DNAH14: variants seen among roughly 807,000 people sequenced by gnomAD.
DNAH14 encodes dynein axonemal heavy chain 14.
Under a neutral mutation model 520.9 loss-of-function variants are expected in DNAH14, and 478 were observed. That is an observed-to-expected ratio of 0.92 (90% confidence interval 0.85 to 0.99). The LOEUF is 0.99. DNAH14 is among the 50% of genes least tolerant of loss of function. The probability of loss-of-function intolerance (pLI) is 0.00; values close to 1 mark genes in which losing one functional copy is unlikely to be tolerated. For synonymous variants in DNAH14, 1,581 were observed against 1,757.2 expected (o/e 0.90, Z 2.51); for missense variants, 4,831 against 5,234.5 (o/e 0.92, Z 2.38).
chr1:225,012,053 C>A (rs998361956), intron 10 of DNAH14, among the ~76,000 whole-genome samples: 1 of 151,938 alleles, frequency 6.6e-6, no homozygotes, highest in Non-Finnish European at 1.5e-5. Context: ...TATCAATGGT[C>A]TTTACAATTT....
Position 225,085,645 on chromosome 1 carries a change from T to TAC in DNAH14, c.3430_3431dup (p.Pro1145LeufsTer5). The TAC allele has an allele frequency of 2.6e-6, 4 of 1,551,300 alleles. No homozygotes were observed. The South Asian group carries it at 4.8e-5, about 18-fold the overall frequency. ...TTAAGATTATTGATTTTTGGAACAC[T>TAC]ACTCCTTTGCCTTTAATTCTTCACC... is the stretch of plus-strand genomic sequence containing the variant. On this transcript the variant is annotated frameshift_variant, in exon 21 of 86. Coordinates refer to ENST00000682510, the MANE Select transcript of DNAH14 (RefSeq NM_001367479.1). LOFTEE classifies it high-confidence loss of function.
At chr1:225,048,460 C>T (rs1479614801) in intron 15 of DNAH14, among the ~76,000 whole-genome samples, 1 of 152,156 alleles carries the variant, frequency 6.6e-6, no homozygotes, top group Non-Finnish European at 1.5e-5. Context: ...AAAATTGTAC[C>T]ACTGTACTCC....
intron 79 of DNAH14, among the ~76,000 whole-genome samples, chr1:225,378,876 T>TC (rs565739815): frequency 0.032 from 370 of 11,424 alleles, 5 homozygotes; most frequent in South Asian, 0.21. Context: ...CAAAACTCCG[T>TC]CCCAAAAAAA....
At chr1:225,291,921 G>A (rs778904944) in intron 55 of DNAH14, among the ~76,000 whole-genome samples, 5 of 151,730 alleles carry the variant, frequency 3.3e-5, no homozygotes, top group Admixed American at 2.0e-4. Flanking sequence ...ATCAGGTTTT[G>A]TTTTGTTTTT....
intron 3 of DNAH14, 58 bp from the exon 4 acceptor site, chr1:224,960,095 C>T: frequency 6.9e-7 from 1 of 1,449,892 alleles, no homozygotes; most frequent in Non-Finnish European, 9.2e-7. Context: ...TGTGGAATTA[C>T]TATGGTATTA....
intron 36 of DNAH14, among the ~76,000 whole-genome samples, chr1:225,180,463 C>A (rs1032711079): frequency 3.3e-5 from 5 of 152,164 alleles, no homozygotes; most frequent in Non-Finnish European, 7.4e-5. Flanking sequence ...GGGCCTCTGG[C>A]TGCTTCCACA....
chr1:224,958,245 A>C (rs1168246144), intron 3 of DNAH14, among the ~76,000 whole-genome samples: 1 of 152,148 alleles, frequency 6.6e-6, no homozygotes, highest in Non-Finnish European at 1.5e-5. Flanking sequence ...TGAAATAGTC[A>C]TTGAAAAGGA....
intron 8 of DNAH14, among the ~76,000 whole-genome samples, chr1:224,992,235 T>A (rs1465460547): frequency 6.6e-6 from 1 of 152,172 alleles, no homozygotes; most frequent in Non-Finnish European, 1.5e-5. Flanking sequence ...TTTTGTGGTT[T>A]CATACGAATT....
intron 68 of DNAH14, among the ~76,000 whole-genome samples, chr1:225,339,141 CAAAAAA>C (rs5781399): frequency 8.3e-4 from 109 of 131,444 alleles, no homozygotes; most frequent in East Asian, 6.4e-3. Flanking sequence ...CAATGAAATA[CAAAAAA>C]AAAAAAAAAA....
intron 9 of DNAH14, among the ~76,000 whole-genome samples, chr1:225,006,264 G>A (rs558890625): frequency 6.6e-6 from 1 of 152,118 alleles, no homozygotes; most frequent in African/African-American, 2.4e-5. Context: ...TGCGTTATCT[G>A]TACAAATTGT....
intron 60 of DNAH14, among the ~76,000 whole-genome samples, chr1:225,313,790 A>G (rs1274263447): frequency 2.6e-5 from 4 of 152,176 alleles, no homozygotes. Context: ...GTTTGATGGC[A>G]CTGTGGTCTG....
At chr1:225,218,708 A>G (rs1229146618) in intron 41 of DNAH14, among the ~76,000 whole-genome samples, 3 of 152,188 alleles carry the variant, frequency 2.0e-5, no homozygotes, top group African/African-American at 4.8e-5. Flanking sequence ...CCACACAATA[A>G]TAATGGGAGA....
chr1:225,224,585 C>T lies in DNAH14; in HGVS notation c.6440-6488C>T, dbSNP rs139158413. Among the ~76,000 whole-genome samples, 535 of 152,264 alleles carry T rather than the reference C, an allele frequency of 3.5e-3. 4 individuals are homozygous for T. The highest frequency in any genetic ancestry group is 0.012 in the African/African-American group (518 of 41,550). ...TATCTCTAGATTTTCAGATAGCACT[C>T]TCTGATTATGCAGGCCATATAAAAC... On this transcript the variant is annotated intron_variant, in intron 41 of 85. Transcript: ENST00000682510.
chr1:224,981,925 G>A (rs2062298809), intron 8 of DNAH14, among the ~76,000 whole-genome samples: 1 of 152,142 alleles, frequency 6.6e-6, no homozygotes, highest in South Asian at 2.1e-4. Context: ...AAGGCCGAAA[G>A]GTTACATAAC....
At chr1:225,177,423 G>A (rs1432749127) in intron 36 of DNAH14, among the ~76,000 whole-genome samples, 2 of 152,208 alleles carry the variant, frequency 1.3e-5, no homozygotes, top group African/African-American at 4.8e-5. Context: ...CAAGCCAGCT[G>A]CAGAAATTTG....
chr1:225,100,712 G>A lies in DNAH14; in HGVS notation c.3696-1G>A. 6.8e-7 allele frequency: 1 copy of A among 1,470,712 alleles called. No individual in the cohort carries two copies. The highest frequency in any genetic ancestry group is 9.0e-7 in the Non-Finnish European group (1 of 1,115,734). The allele number at this position is 1,470,712 out of a possible 1,614,324, so 91.1% of individuals were successfully genotyped here. A position where few individuals can be genotyped will look rare whatever the true frequency, so the allele number is the denominator to read the frequency against. ...AATGACATCTAATTTTTTTTCTAAA[G>A]GCAACTCCCAGCAGAAACAGAACTT... On this transcript the variant is annotated splice_acceptor_variant, in intron 22 of 85. Coordinates refer to ENST00000682510, the MANE Select transcript of DNAH14 (RefSeq NM_001367479.1). LOFTEE classifies it high-confidence loss of function.
At chr1:225,125,806 G>C (rs905469946) in intron 27 of DNAH14, among the ~76,000 whole-genome samples, 3 of 152,126 alleles carry the variant, frequency 2.0e-5, no homozygotes, top group African/African-American at 4.8e-5. Context: ...CTAGCTTTCA[G>C]CCTGTTTTGG....
intron 73 of DNAH14, 63 bp from the exon 74 acceptor site, chr1:225,358,433 C>A: frequency 1.5e-6 from 2 of 1,309,976 alleles, no homozygotes; most frequent in Non-Finnish European, 1.0e-6. Context: ...TTCATTTTAC[C>A]ATAGGGAATA....
At chr1:224,944,393 G>A (rs1178176047) in intron 1 of DNAH14, among the ~76,000 whole-genome samples, 8 of 152,136 alleles carry the variant, frequency 5.3e-5, no homozygotes, top group South Asian at 4.2e-4. Flanking sequence ...GTCTCTGCAC[G>A]TGAGATGGGT....
Sources: gnomAD v4.1 joint callset for allele counts (sites outside exome capture counted in the v4.1 genomes callset) on GRCh38, gnomAD v4.1.1 for gene constraint, MANE v1.5 for transcripts, NCBI Gene and HGNC (gene_info 2026-07-23, HGNC 2026-07-21) for gene names.